The following ATAD2B variants were observed in gnomAD, a reference collection of about 807,000 sequenced individuals.
ATAD2B encodes the protein ATPase family AAA domain-containing protein 2B.
A neutral mutation model predicts 167.6 loss-of-function variants in ATAD2B; 40 were observed. That is an observed-to-expected ratio of 0.24 (90% CI 0.19 to 0.31). The LOEUF (loss-of-function observed/expected upper bound fraction) is 0.31. Among genes scored for constraint, ATAD2B ranks in the 10% least tolerant of loss-of-function variants. The pLI, the probability that ATAD2B is intolerant of heterozygous loss-of-function variation, is 1.00. For synonymous variants in ATAD2B, 579 were observed against 596.5 expected (o/e 0.97, Z 0.43); for missense variants, 1,242 against 1,757.2 (o/e 0.71, Z 5.24).
intron 8 of ATAD2B, 131 bp downstream of exon 8, chr2:23,875,698 A>G: frequency 1.5e-6 from 1 of 687,478 alleles, no homozygotes. Context: ...CAAATATTCC[A>G]GGCAAACTGA....
At chr2:23,792,962 C>CAAAAAAAAAAAAAAAA (rs36015161) in intron 19 of ATAD2B, among the ~76,000 whole-genome samples, 1 of 42,556 alleles carries the variant, frequency 2.3e-5, no homozygotes. Context: ...GACTCTGTCT[C>CAAAAAAAAAAAAAAAA]AAAAAAAAAA....
At chr2:23,730,610 G>A in the ATAD2B span, among the ~76,000 whole-genome samples, 7 of 120,134 alleles carry the variant, frequency 5.8e-5, no homozygotes, top group Non-Finnish European at 1.1e-4. Flanking sequence ...AGCTTGTAGT[G>A]AGCCGAGATC....
chr2:23,717,700 C>T, the ATAD2B span, among the ~76,000 whole-genome samples: 3 of 151,902 alleles, frequency 2.0e-5, no homozygotes, highest in South Asian at 2.1e-4. Context: ...GAAAAGACTT[C>T]GAAAGGAGAA....
chr2:23,746,047 A>T (rs139493248), downstream of ATAD2B, among the ~76,000 whole-genome samples: 31 of 152,280 alleles, frequency 2.0e-4, no homozygotes, highest in East Asian at 5.8e-3. Context: ...CTGCCTGGAA[A>T]TCCTTTCCCA....
intron 13 of ATAD2B, 78 bp downstream of exon 13, chr2:23,857,337 A>C: frequency 1.1e-5 from 8 of 735,530 alleles, no homozygotes; most frequent in Non-Finnish European, 1.7e-5. Flanking sequence ...GCCTCATAGC[A>C]CTTAGCTAAG....
At chr2:23,777,905 A>G (rs899491924) in intron 22 of ATAD2B, among the ~76,000 whole-genome samples, 9 of 152,320 alleles carry the variant, frequency 5.9e-5, no homozygotes, top group African/African-American at 2.2e-4. Context: ...CTGGGTCAAC[A>G]CTTAGGCAAC....
chr2:23,798,300 T>C lies in ATAD2B; in HGVS notation c.2478A>G (p.Thr826=). The C allele has an allele frequency of 6.3e-7, 1 of 1,589,838 alleles. No individual in the cohort carries two copies. Among genetic ancestry groups the C allele is most frequent in the Non-Finnish European group, 8.6e-7 (1 of 1,166,096 alleles). The change falls in exon 19 of 28, where the codon ACA becomes ACG. Residue 826 remains threonine (T), a synonymous_variant. Transcript: ENST00000238789. The part of the protein sequence containing the change: ...CAQIFREARR[T]VPSIVYMPHI... Reference sequence around the variant, plus strand: ...GAGGCATGTAAACAATACTAGGTACTGTTCTTCGAGCTTCACGAAAAATCT... The same window carrying C: ...GAGGCATGTAAACAATACTAGGTACCGTTCTTCGAGCTTCACGAAAAATCT...
At position 23,856,664 on chromosome 2, in the gene ATAD2B, C is replaced by T. The variant is rs948058207; in HGVS notation, c.1568+751G>A. Among the ~76,000 whole-genome samples, 5 of 152,144 alleles carry T rather than the reference C, an allele frequency of 3.3e-5. No individual in the cohort carries two copies. The East Asian group carries it at 7.7e-4, about 24-fold the overall frequency. On this transcript the variant is annotated intron_variant, in intron 13 of 27. Transcript: ENST00000238789. Reference sequence around the variant, plus strand: ...TCACTTGAGGCCAGGAGTTCAAGACCAGCCTGGCCAATATGGCGAAACCCC... The same window carrying T: ...TCACTTGAGGCCAGGAGTTCAAGACTAGCCTGGCCAATATGGCGAAACCCC...
the ATAD2B span, among the ~76,000 whole-genome samples, chr2:23,711,041 C>A: frequency 6.6e-6 from 1 of 152,022 alleles, no homozygotes; most frequent in African/African-American, 2.4e-5. Context: ...AGACATGCTG[C>A]CATTTGGAAA....
Position 23,751,967 on chromosome 2 carries a change from G to C in ATAD2B, c.*79C>G. ...CACCAAGGCTCTGCACATAATTGGTGCAATTTGAAATTGAATGGCTCAGAA... is the reference window on the plus strand; with the variant it reads ...CACCAAGGCTCTGCACATAATTGGTCCAATTTGAAATTGAATGGCTCAGAA... On this transcript the variant is annotated 3_prime_UTR_variant, in exon 28 of 28. Coordinates refer to ENST00000238789, the MANE Select transcript of ATAD2B (RefSeq NM_017552.4). 9.1e-7 allele frequency: 1 copy of C among 1,097,110 alleles called. No homozygotes were observed. The highest frequency in any genetic ancestry group is 1.3e-6 in the Non-Finnish European group (1 of 742,952). The allele number at this position is 1,097,110 out of a possible 1,614,324, so 68.0% of individuals were successfully genotyped here.
At chr2:23,919,836 ACT>A (rs1359206253) in intron 1 of ATAD2B, among the ~76,000 whole-genome samples, 5 of 127,674 alleles carry the variant, frequency 3.9e-5, no homozygotes, top group African/African-American at 1.2e-4. Flanking sequence ...CAAGAGGGAA[ACT>A]CTGTTTCAAA....
At chr2:23,847,811 C>A (rs1253710588) in intron 13 of ATAD2B, among the ~76,000 whole-genome samples, 1 of 151,018 alleles carries the variant, frequency 6.6e-6, no homozygotes, top group Non-Finnish European at 1.5e-5. Context: ...ATGGTAAAAC[C>A]CCATCTCTAC....
chr2:23,919,061 G>A (rs964636713), intron 1 of ATAD2B, among the ~76,000 whole-genome samples: 5 of 152,102 alleles, frequency 3.3e-5, no homozygotes, highest in African/African-American at 1.2e-4. Flanking sequence ...AAAGATTGTC[G>A]GCTAGGCATG....
intron 17 of ATAD2B, among the ~76,000 whole-genome samples, chr2:23,813,981 G>A (rs528948449): frequency 2.9e-4 from 44 of 152,150 alleles, no homozygotes; most frequent in African/African-American, 9.2e-4. Context: ...AGCAGGGCAC[G>A]GTCGAACATG....
At chr2:23,730,665 C>CAAAAA in the ATAD2B span, among the ~76,000 whole-genome samples, 209 of 31,942 alleles carry the variant, frequency 6.5e-3, 10 homozygotes, top group Middle Eastern at 0.071. Flanking sequence ...GACTCCGTTT[C>CAAAAA]AAAAAAAAAA....
intron 1 of ATAD2B, among the ~76,000 whole-genome samples, chr2:23,905,428 G>T (rs1449232040): frequency 6.6e-6 from 1 of 152,188 alleles, no homozygotes; most frequent in Non-Finnish European, 1.5e-5. Context: ...GGAAGCTGAG[G>T]TAGGTGGATC....
intron 13 of ATAD2B, among the ~76,000 whole-genome samples, chr2:23,839,305 C>T (rs1483800440): frequency 6.6e-6 from 1 of 152,060 alleles, no homozygotes; most frequent in East Asian, 1.9e-4. Flanking sequence ...CATAGCAAAA[C>T]AAACATGCTT....
At chr2:23,758,575 A>G (rs553889249) in intron 24 of ATAD2B, among the ~76,000 whole-genome samples, 1 of 152,358 alleles carries the variant, frequency 6.6e-6, no homozygotes, top group Non-Finnish European at 1.5e-5. Flanking sequence ...ATAGCATAAC[A>G]GAACAGTTAA....
At chr2:23,925,447 C>A (rs1704593252) in intron 1 of ATAD2B, among the ~76,000 whole-genome samples, 1 of 152,068 alleles carries the variant, frequency 6.6e-6, no homozygotes, top group South Asian at 2.1e-4. Context: ...TCTTGTAGAC[C>A]CCTAGAACAT....
Sources: allele counts gnomAD v4.1 joint callset (sites outside exome capture counted in the v4.1 genomes callset), GRCh38; gene constraint gnomAD v4.1.1; transcripts MANE v1.5; gene names NCBI Gene and HGNC (gene_info 2026-07-23, HGNC 2026-07-21).